CRTAM: variants seen among roughly 807,000 people sequenced by gnomAD.
CRTAM encodes cytotoxic and regulatory T-cell molecule.
Under a neutral mutation model 50.0 loss-of-function variants are expected in CRTAM, and 44 were observed. The ratio of observed to expected loss-of-function variants is 0.88; its 90% CI spans 0.69 to 1.13. The LOEUF (loss-of-function observed/expected upper bound fraction) is 1.13, where lower values mean the gene tolerates loss of function less well. CRTAM is among the 50% of genes most tolerant of loss of function. The pLI, the probability that CRTAM is intolerant of heterozygous loss-of-function variation, is 0.00. For synonymous variants in CRTAM, 159 were observed against 169.3 expected (o/e 0.94, Z 0.47); for missense variants, 448 against 457.5 (o/e 0.98, Z 0.19).
At position 122,863,321 on chromosome 11, in the gene CRTAM, A is replaced by AAAAGAAAG. The variant is rs137934573; in HGVS notation, c.733+801_733+808dup. Among the ~76,000 whole-genome samples, 530 of 103,640 alleles carry AAAAGAAAG rather than the reference A, an allele frequency of 5.1e-3. 4 individuals carry two copies. Among genetic ancestry groups the AAAAGAAAG allele is most frequent in the African/African-American group, 0.012 (372 of 31,174 alleles). 68.0% of individuals were successfully genotyped at this position (103,640 alleles called of 152,430 possible). ...AAGAGAGAAAGAAAAGAAAGAAAGAAAAAGAAAGAAAGAAAGAAAGAAAGA... is the reference window on the plus strand; with the variant it reads ...AAGAGAGAAAGAAAAGAAAGAAAGAAAAAGAAAGAAAGAAAGAAAGAAAGAAAGAAAGA... On this transcript the variant is annotated intron_variant, in intron 6 of 9. Coordinates refer to ENST00000227348, the MANE Select transcript of CRTAM (RefSeq NM_019604.4).
rs150458012 is a variant in CRTAM, at chr11:122,853,994, G to A, written c.398G>A (p.Gly133Glu). 15 of 1,613,856 alleles carry A rather than the reference G, an allele frequency of 9.3e-6. No homozygotes were observed. In the African/African-American group the frequency reaches 1.7e-4, roughly 19 times the overall value. The change falls in exon 4 of 10, where the codon GGA becomes GAA. Residue 133 changes from glycine to glutamate, a missense_variant. By Grantham distance (98) the Gly-to-Glu change is moderately conservative. Coordinates refer to ENST00000227348, the MANE Select transcript of CRTAM (RefSeq NM_019604.4). ...GCTTCAGTTATCAGAAAGCAAAATG[G>A]AGAAGAACATGTTGTACTCATGTGC... ...LEASVIRKQN[G>E]EEHVVLMCST...
intron 3 of CRTAM, among the ~76,000 whole-genome samples, chr11:122,852,625 C>T (rs1861946200): frequency 6.6e-6 from 1 of 152,090 alleles, no homozygotes; most frequent in Non-Finnish European, 1.5e-5. Context: ...GAAGGAGTGG[C>T]TCTCGGGGAG....
At position 122,851,833 on chromosome 11, in the gene CRTAM, G is replaced by A. The variant is rs1252561722; in HGVS notation, c.334G>A (p.Val112Met). 6.2e-7 allele frequency: 1 copy of A among 1,614,076 alleles called. No individual in the cohort carries two copies. Among genetic ancestry groups the A allele is most frequent in the Admixed American group, 1.7e-5 (1 of 60,004 alleles). Residue 112 changes from valine (V) to methionine (M), a missense_variant, in exon 3 of 10, where the codon GTG (valine) becomes ATG (methionine). Val to Met is a conservative substitution (Grantham distance 21). Transcript: ENST00000227348. ...CTCTGTAAGCACAAAGGAAGTGAAA[G>A]TGATTGTGCTGGGTAGGTACCTGCA... is the stretch of plus-strand genomic sequence containing the variant. ...SDSVSTKEVK[V>M]IVLATPFKPI... is the part of the protein sequence containing the mutation.
At chr11:122,865,237 G>A (rs1156621341) in intron 7 of CRTAM, among the ~76,000 whole-genome samples, 2 of 152,052 alleles carry the variant, frequency 1.3e-5, no homozygotes, top group Non-Finnish European at 2.9e-5. Flanking sequence ...GTTTATCCAT[G>A]TTGGTCAGTC....
At chr11:122,861,964 T>C (rs1359446866) in intron 5 of CRTAM, among the ~76,000 whole-genome samples, 4 of 152,150 alleles carry the variant, frequency 2.6e-5, no homozygotes, top group Non-Finnish European at 5.9e-5. Context: ...TTACTAATTC[T>C]CACAAAACAC....
intron 1 of CRTAM, among the ~76,000 whole-genome samples, chr11:122,842,469 G>C (rs1302935994): frequency 6.6e-6 from 1 of 152,170 alleles, no homozygotes; most frequent in Admixed American, 6.5e-5. Flanking sequence ...AGTAGACATG[G>C]GGTTTCACTA....
At chr11:122,860,540 A>G (rs1475703991) in intron 5 of CRTAM, among the ~76,000 whole-genome samples, 2 of 152,204 alleles carry the variant, frequency 1.3e-5, no homozygotes, top group Non-Finnish European at 2.9e-5. Context: ...TTGTTAATTA[A>G]CAGGATAAAT....
intron 5 of CRTAM, among the ~76,000 whole-genome samples, chr11:122,857,855 G>A (rs1361797570): frequency 1.3e-5 from 2 of 152,110 alleles, no homozygotes; most frequent in African/African-American, 2.4e-5. Flanking sequence ...GTGATGCTTC[G>A]AGAAAGAGAG....
Position 122,851,792 on chromosome 11 carries a change from G to A in CRTAM, c.293G>A (p.Cys98Tyr), listed in dbSNP as rs754977352. 1 of 1,614,178 alleles carries A rather than the reference G, an allele frequency of 6.2e-7. No homozygotes were observed. The highest frequency in any genetic ancestry group is 1.7e-5 in the Admixed American group (1 of 60,030). ...CTGCAAGATGAAGGCGTGTACAAGTGCTTACATTACAGCGACTCTGTAAGC... is the reference window on the plus strand; with the variant it reads ...CTGCAAGATGAAGGCGTGTACAAGTACTTACATTACAGCGACTCTGTAAGC... The part of the protein sequence containing the change: ...VTLQDEGVYK[C>Y]LHYSDSVSTK... Residue 98 changes from cysteine (C) to tyrosine (Y), a missense_variant, in exon 3 of 10, where the codon TGC (cysteine) becomes TAC (tyrosine). By Grantham distance (194) the Cys-to-Tyr change is radical. Coordinates refer to ENST00000227348, the MANE Select transcript of CRTAM (RefSeq NM_019604.4).
At chr11:122,854,688 T>C (rs1861982222) in intron 4 of CRTAM, among the ~76,000 whole-genome samples, 1 of 150,916 alleles carries the variant, frequency 6.6e-6, no homozygotes, top group Non-Finnish European at 1.5e-5. Context: ...AGAAGTATAA[T>C]ATCTGTGAGC....
intron 3 of CRTAM, among the ~76,000 whole-genome samples, chr11:122,852,754 A>T (rs995210458): frequency 9.2e-5 from 14 of 152,156 alleles, no homozygotes; most frequent in Non-Finnish European, 2.9e-5. Context: ...ATACTCTGTC[A>T]TTGCTCTCAA....
At chr11:122,850,900 T>G (rs1176811854) in intron 2 of CRTAM, among the ~76,000 whole-genome samples, 2 of 152,214 alleles carry the variant, frequency 1.3e-5, no homozygotes, top group Non-Finnish European at 2.9e-5. Flanking sequence ...TTAATATTGC[T>G]AACTGCCAAA....
intron 1 of CRTAM, among the ~76,000 whole-genome samples, chr11:122,846,451 G>A (rs1411854428): frequency 6.6e-6 from 1 of 152,010 alleles, no homozygotes; most frequent in African/African-American, 2.4e-5. Context: ...GGGATTACAG[G>A]TGCCCACCAC....
In CRTAM at chr11:122,863,353, A is replaced by G. The variant is rs201538620; in HGVS notation, c.733+809A>G. 7.7e-3 allele frequency among the ~76,000 whole-genome samples: 373 copies of G among 48,646 alleles called. 4 individuals carry two copies. Among genetic ancestry groups the G allele is most frequent in the Admixed American group, 0.015 (79 of 5,184 alleles). 31.9% of individuals were successfully genotyped at this position (48,646 alleles called of 152,430 possible). On this transcript the variant is annotated intron_variant, in intron 6 of 9. Transcript: ENST00000227348. ...AGAAAGAAAGAAAGAAAGAAAGAAA[A>G]AGAAAGAAAGAAAGAAAAAGAAAGA...
intron 5 of CRTAM, among the ~76,000 whole-genome samples, chr11:122,856,795 C>T (rs1001447226): frequency 1.3e-5 from 2 of 152,326 alleles, no homozygotes; most frequent in Non-Finnish European, 2.9e-5. Flanking sequence ...ACAAACTTTC[C>T]ATGGGTCACT....
intron 3 of CRTAM, among the ~76,000 whole-genome samples, chr11:122,852,683 G>C (rs1861946795): frequency 6.6e-6 from 1 of 152,030 alleles, no homozygotes; most frequent in African/African-American, 2.4e-5. Context: ...TTTTTGTAAG[G>C]GAGCACACAT....
intron 5 of CRTAM, among the ~76,000 whole-genome samples, chr11:122,858,201 C>T (rs972200294): frequency 1.2e-4 from 18 of 152,086 alleles, no homozygotes; most frequent in African/African-American, 3.4e-4. Context: ...GCATGAGCCA[C>T]CTCACCCAGA....
intron 3 of CRTAM, among the ~76,000 whole-genome samples, chr11:122,852,651 T>C (rs1861946551): frequency 6.6e-6 from 1 of 152,138 alleles, no homozygotes; most frequent in Non-Finnish European, 1.5e-5. Flanking sequence ...TGAGAACCAT[T>C]GTGACTCAGC....
intron 6 of CRTAM, among the ~76,000 whole-genome samples, chr11:122,864,168 G>A (rs920426732): frequency 3.3e-5 from 5 of 152,184 alleles, no homozygotes; most frequent in Admixed American, 3.3e-4. Context: ...CCGTTCCTCG[G>A]TGTTCAGTTG....
Sources: gnomAD v4.1 joint callset for allele counts (sites outside exome capture counted in the v4.1 genomes callset) on GRCh38, gnomAD v4.1.1 for gene constraint, MANE v1.5 for transcripts, NCBI Gene and HGNC (gene_info 2026-07-23, HGNC 2026-07-21) for gene names.